CSMD1: variants seen among roughly 807,000 people sequenced by gnomAD.
CSMD1 encodes CUB and sushi domain-containing protein 1.
CSMD1 carries 213 observed loss-of-function variants against 417.5 expected under a neutral mutation model. The observed-to-expected ratio is 0.51, with a 90% CI of 0.46 to 0.57. The LOEUF (loss-of-function observed/expected upper bound fraction) is 0.57, where lower values mean the gene tolerates loss of function less well. Ranked by LOEUF, CSMD1 falls within the 20% of genes least tolerant of loss-of-function variation. The pLI, the probability that CSMD1 is intolerant of heterozygous loss-of-function variation, is 0.00. For synonymous variants in CSMD1, 2,862 were observed against 1,736.8 expected (o/e 1.65, Z -16.11); for missense variants, 6,923 against 4,529.7 (o/e 1.53, Z -15.17).
intron 1 of CSMD1, among the ~76,000 whole-genome samples, chr8:4,654,331 A>G (rs768801250): frequency 1.3e-5 from 2 of 152,112 alleles, no homozygotes; most frequent in Non-Finnish European, 2.9e-5. Context: ...ATTGCTTTCT[A>G]TGCAGACGTA....
intron 10 of CSMD1, among the ~76,000 whole-genome samples, chr8:3,528,696 T>C (rs1405574747): frequency 6.6e-6 from 1 of 152,332 alleles, no homozygotes; most frequent in East Asian, 1.9e-4. Flanking sequence ...CACAAAAATG[T>C]CAGTGCATAT....
At chr8:4,353,314 C>A (rs1217525821) in intron 3 of CSMD1, among the ~76,000 whole-genome samples, 2 of 152,180 alleles carry the variant, frequency 1.3e-5, no homozygotes, top group Non-Finnish European at 2.9e-5. Context: ...AGCTCTCTTC[C>A]CTGCCACCAT....
intron 10 of CSMD1, among the ~76,000 whole-genome samples, chr8:3,528,780 TGACA>T (rs1356618476): frequency 2.0e-5 from 3 of 152,186 alleles, no homozygotes; most frequent in Admixed American, 6.5e-5. Context: ...AACTGAAGGT[TGACA>T]GACAGAAAAC....
At chr8:4,444,586 G>A (rs1188027905) in intron 2 of CSMD1, among the ~76,000 whole-genome samples, 1 of 152,062 alleles carries the variant, frequency 6.6e-6, no homozygotes, top group East Asian at 1.9e-4. Flanking sequence ...TCCAGAACAT[G>A]AAATGCTGAG....
At chr8:3,588,626 T>C (rs750787495) in intron 8 of CSMD1, among the ~76,000 whole-genome samples, 1 of 152,084 alleles carries the variant, frequency 6.6e-6, no homozygotes, top group Non-Finnish European at 1.5e-5. Context: ...ATCCAACCAA[T>C]ATTCCTTTAC....
chr8:4,046,434 C>T (rs1798150478), intron 3 of CSMD1, among the ~76,000 whole-genome samples: 1 of 152,154 alleles, frequency 6.6e-6, no homozygotes, highest in African/African-American at 2.4e-5. Context: ...AATGTGCTTT[C>T]TGTTACTGAA....
At chr8:4,322,918 G>C (rs894259453) in intron 3 of CSMD1, among the ~76,000 whole-genome samples, 6 of 152,198 alleles carry the variant, frequency 3.9e-5, no homozygotes, top group Non-Finnish European at 8.8e-5. Flanking sequence ...CCTGGAGGTG[G>C]AGGTTGCAGT....
At chr8:3,693,131 T>C (rs1186819256) in intron 7 of CSMD1, among the ~76,000 whole-genome samples, 1 of 152,132 alleles carries the variant, frequency 6.6e-6, no homozygotes, top group Non-Finnish European at 1.5e-5. Flanking sequence ...TACCAATAGA[T>C]AGTCACCCAC....
chr8:3,240,833 T>C (rs141246703), intron 26 of CSMD1, among the ~76,000 whole-genome samples: 2,001 of 152,206 alleles, frequency 0.013, 48 homozygotes, highest in African/African-American at 0.046. Flanking sequence ...CTGTAAGGCT[T>C]GTCTGGTTCT....
At chr8:3,168,430 T>G (rs1318603070) in intron 37 of CSMD1, among the ~76,000 whole-genome samples, 1 of 152,178 alleles carries the variant, frequency 6.6e-6, no homozygotes, top group Non-Finnish European at 1.5e-5. Context: ...TGTTAACTCT[T>G]AATTCGAAAA....
chr8:4,787,561 G>A (rs1296413814), intron 1 of CSMD1: 2 of 1,459,884 alleles, frequency 1.4e-6, no homozygotes, highest in Non-Finnish European at 9.6e-7. Flanking sequence ...AATGTGGGGA[G>A]ACAGCTTTCA....
intron 25 of CSMD1, among the ~76,000 whole-genome samples, chr8:3,286,993 T>C (rs1169488205): frequency 1.3e-5 from 2 of 152,166 alleles, no homozygotes; most frequent in Non-Finnish European, 2.9e-5. Context: ...CTTGAATTAA[T>C]TTTTGTATAA....
intron 3 of CSMD1, among the ~76,000 whole-genome samples, chr8:4,384,585 A>C (rs1803323547): frequency 6.6e-6 from 1 of 152,196 alleles, no homozygotes; most frequent in South Asian, 2.1e-4. Context: ...TACTTAGAAA[A>C]GGCATACATT....
At chr8:3,831,837 G>T (rs1358884517) in intron 5 of CSMD1, among the ~76,000 whole-genome samples, 2 of 152,114 alleles carry the variant, frequency 1.3e-5, no homozygotes, top group East Asian at 3.9e-4. Context: ...GAAAGCTACT[G>T]CTATCCTTGT....
rs371163239 is a variant in CSMD1, at chr8:4,031,936, T to A, written c.579A>T (p.Ala193=). 1.2e-6 allele frequency: 2 copies of A among 1,613,892 alleles called. No individual in the cohort carries two copies. Among genetic ancestry groups the A allele is most frequent in the Admixed American group, 3.3e-5 (2 of 60,014 alleles). ...AAAAGGGAGCTGGGAAGTCCCACGA[T>A]GCACCATTTCCTGGGCTGACGATGC... ...LTCIVSPGNG[A]SWDFPAPFCR... The change falls in exon 4 of 70, where the codon GCA becomes GCT. Residue 193 remains alanine (A), a synonymous_variant. Coordinates refer to ENST00000635120, the MANE Select transcript of CSMD1 (RefSeq NM_033225.6).
At chr8:4,125,003 A>T (rs111631687) in intron 3 of CSMD1, among the ~76,000 whole-genome samples, 12 of 152,142 alleles carry the variant, frequency 7.9e-5, no homozygotes, top group African/African-American at 2.9e-4. Context: ...TCACTTTCAT[A>T]AATCTTGCCG....
chr8:4,166,676 T>G (rs530770141), intron 3 of CSMD1, among the ~76,000 whole-genome samples: 1 of 152,112 alleles, frequency 6.6e-6, no homozygotes, highest in Admixed American at 6.5e-5. Context: ...GGGTGATGGG[T>G]GCACCAAAAT....
At chr8:4,511,592 C>T (rs1466449956) in intron 2 of CSMD1, among the ~76,000 whole-genome samples, 1 of 152,110 alleles carries the variant, frequency 6.6e-6, no homozygotes, top group Non-Finnish European at 1.5e-5. Context: ...CAATTTGCTG[C>T]TCCCAAGATT....
At chr8:3,564,143 T>A (rs1420089226) in intron 10 of CSMD1, among the ~76,000 whole-genome samples, 1 of 152,230 alleles carries the variant, frequency 6.6e-6, no homozygotes, top group South Asian at 2.1e-4. Flanking sequence ...TTCCTTGTGT[T>A]TGGAAGATTG....
Sources: gnomAD v4.1 joint callset for allele counts (sites outside exome capture counted in the v4.1 genomes callset) on GRCh38, gnomAD v4.1.1 for gene constraint, MANE v1.5 for transcripts, NCBI Gene and HGNC (gene_info 2026-07-23, HGNC 2026-07-21) for gene names.